Variants in IZUMO4 observed in about 807,000 individuals in gnomAD.
The protein encoded by IZUMO4 is izumo sperm-egg fusion protein 4.
A neutral mutation model predicts 37.1 loss-of-function variants in IZUMO4; 51 were observed. The ratio of observed to expected loss-of-function variants is 1.38; its 90% CI spans 1.10 to 1.74. The LOEUF (loss-of-function observed/expected upper bound fraction) is 1.74, where lower values mean the gene tolerates loss of function less well. Among genes scored for constraint, IZUMO4 ranks in the 40% most tolerant of loss-of-function variants. IZUMO4 has a pLI of 0.00. For synonymous variants in IZUMO4, 162 were observed against 121.4 expected (o/e 1.33, Z -2.20); for missense variants, 364 against 299.6 (o/e 1.21, Z -1.59).
chr19:2,099,083 A>G (rs2017825912), intron 9 of IZUMO4, 54 bp downstream of exon 9: 4 of 1,547,096 alleles, frequency 2.6e-6, no homozygotes, highest in Non-Finnish European at 2.7e-6. Flanking sequence ...GTAAGCCAAC[A>G]CCAGCGTGCC....
intron 8 of IZUMO4, 42 bp downstream of exon 8, chr19:2,098,846 G>GGGAGAGAGGAGGGGGGCTAGGGGTCCTC: frequency 6.3e-7 from 1 of 1,584,722 alleles, no homozygotes; most frequent in Non-Finnish European, 8.6e-7. Flanking sequence ...AGGGGGTAAA[G>GGGAGAGAGGAGGGGGGCTAGGGGTCCTC]GGAGAGAGGA....
chr19:2,097,761 AAC>A, intron 3 of IZUMO4, 166 bp from the exon 4 acceptor site: 1 of 863,812 alleles, frequency 1.2e-6, no homozygotes, highest in Admixed American at 2.6e-5. Context: ...GCTGGGGGTC[AAC>A]CTGGGGACCC....
rs760572584 is a variant in IZUMO4 at position 2,098,090 on chromosome 19, A to C, written c.436A>C (p.Thr146Pro). ...QYETISCNNCTDSHVACFGYN... is the reference protein window; with the variant it reads ...QYETISCNNCPDSHVACFGYN... ...CGAGACCATCTCCTGCAACAACTGC[A>C]CAGACTCGCACGTCGCCTGCTTTGG... is the stretch of plus-strand genomic sequence containing the variant. Residue 146 changes from threonine to proline, a missense_variant, in exon 5 of 10, where the codon ACA becomes CCA. Coordinates refer to ENST00000395301, the MANE Select transcript of IZUMO4 (RefSeq NM_001039846.2). The C allele has an allele frequency of 9.9e-6, 16 of 1,613,412 alleles. No individual in the cohort carries two copies. Among genetic ancestry groups the C allele is most frequent in the Non-Finnish European group, 1.4e-5 (16 of 1,180,000 alleles).
intron 9 of IZUMO4, 81 bp from the exon 10 acceptor site, chr19:2,099,174 G>A: frequency 4.2e-6 from 6 of 1,416,158 alleles, no homozygotes; most frequent in South Asian, 3.4e-5. Flanking sequence ...GTCCCAGCTG[G>A]GAGGAGAGGC....
At position 2,097,917 on chromosome 19, in the gene IZUMO4, G is replaced by A. The variant is rs369021152; in HGVS notation, c.371-12G>A. 5.6e-6 allele frequency: 9 copies of A among 1,612,772 alleles called. No homozygotes were observed. The Admixed American group carries it at 1.0e-4, about 18-fold the overall frequency. On this transcript the variant is annotated splice_polypyrimidine_tract_variant and intron_variant, in intron 3 of 9. Coordinates refer to ENST00000395301, the MANE Select transcript of IZUMO4 (RefSeq NM_001039846.2). ...GGGCCTGGTAAGATGGCGCTGTCCT[G>A]CCCTCCCACAGGCCGCATCGACTGT...
chr19:2,099,194 C>T (rs900851752), intron 9 of IZUMO4, 61 bp from the exon 10 acceptor site: 44 of 1,532,996 alleles, frequency 2.9e-5, no homozygotes, highest in Non-Finnish European at 3.4e-5. Context: ...CCTGGGGCCC[C>T]CAGGGAGGGA....
Position 2,098,286 on chromosome 19 carries a change from G to A in IZUMO4, c.474-1G>A, listed in dbSNP as rs112528432. Reference sequence around the variant, plus strand: ...ACCACTTCCAAGCCTGTGTCCCACAGGTCCTCGGCGCAGTGGAAGTCAGCT... The same window carrying A: ...ACCACTTCCAAGCCTGTGTCCCACAAGTCCTCGGCGCAGTGGAAGTCAGCT... On this transcript the variant is annotated splice_acceptor_variant, in intron 5 of 9. Coordinates refer to ENST00000395301, the MANE Select transcript of IZUMO4 (RefSeq NM_001039846.2). LOFTEE classifies it high-confidence loss of function. The A allele has an allele frequency of 6.2e-7, 1 of 1,613,874 alleles. No homozygotes were observed.
In IZUMO4 at chr19:2,099,469, A is replaced by C; in HGVS notation, c.*124A>C. ...CCCTCTCCGACCCCGGACAGAGCTG[A>C]GCTGGCCAGGGCCAGGAGGGCGGGA... On this transcript the variant is annotated 3_prime_UTR_variant, in exon 10 of 10. Coordinates refer to ENST00000395301, the MANE Select transcript of IZUMO4 (RefSeq NM_001039846.2). 2.4e-6 allele frequency: 1 copy of C among 409,952 alleles called. No individual in the cohort carries two copies. The highest frequency in any genetic ancestry group is 4.8e-6 in the Non-Finnish European group (1 of 206,832). 25.4% of individuals were successfully genotyped at this position (409,952 alleles called of 1,614,324 possible).
Position 2,098,350 on chromosome 19 carries a change from G to GA in IZUMO4, c.521+16_521+17insA. 6.2e-7 allele frequency: 1 copy of GA among 1,614,026 alleles called. No individual in the cohort carries two copies. The highest frequency in any genetic ancestry group is 2.2e-5 in the East Asian group (1 of 44,888). On this transcript the variant is annotated intron_variant, in intron 6 of 9. Transcript: ENST00000395301. ...TGAACTACATGTGAGTGGGGTCTTTGGGTGGCAGCAAGCTCACCTGGGCCT... is the reference window on the plus strand; with the variant it reads ...TGAACTACATGTGAGTGGGGTCTTTGAGGTGGCAGCAAGCTCACCTGGGCCT...
chr19:2,097,466 T>C lies in IZUMO4; in HGVS notation c.341T>C (p.Val114Ala). 1 of 1,606,852 alleles carries C rather than the reference T, an allele frequency of 6.2e-7. No individual in the cohort carries two copies. The highest frequency in any genetic ancestry group is 8.5e-7 in the Non-Finnish European group (1 of 1,177,468). ...CTGCGAAACATCTTCCGGGAGCAGGTGCACCTCATCCAGAACGCCATCATC... is the reference window on the plus strand; with the variant it reads ...CTGCGAAACATCTTCCGGGAGCAGGCGCACCTCATCCAGAACGCCATCATC... Reference protein sequence around the residue: ...NELRNIFREQVHLIQNAIIES... With the variant: ...NELRNIFREQAHLIQNAIIES... Residue 114 changes from valine (V) to alanine (A), a missense_variant, in exon 3 of 10, where the codon GTG (valine) becomes GCG (alanine). By Grantham distance (64) the Val-to-Ala change is moderately conservative. Transcript: ENST00000395301.
rs1476645576 is a variant in IZUMO4 at position 2,098,421 on chromosome 19, CCACT to C, written c.522-14_522-11del. 1.4e-5 allele frequency: 22 copies of C among 1,613,860 alleles called. No homozygotes were observed. The highest frequency in any genetic ancestry group is 1.8e-5 in the Non-Finnish European group (21 of 1,180,042). On this transcript the variant is annotated splice_polypyrimidine_tract_variant and intron_variant, in intron 6 of 9. Coordinates refer to ENST00000395301, the MANE Select transcript of IZUMO4 (RefSeq NM_001039846.2). ...GCCACTCGGCCTCCTGAGTCCAAAC[CCACT>C]GTCTTTGTAGAAATAACTGGCACAA...
rs769755054 is a variant in IZUMO4, at chr19:2,098,285, A to G, written c.474-2A>G. 14 of 1,613,852 alleles carry G rather than the reference A, an allele frequency of 8.7e-6. No individual in the cohort carries two copies. The highest frequency in any genetic ancestry group is 1.2e-5 in the Non-Finnish European group (14 of 1,180,004). On this transcript the variant is annotated splice_acceptor_variant, in intron 5 of 9. Coordinates refer to ENST00000395301, the MANE Select transcript of IZUMO4 (RefSeq NM_001039846.2). LOFTEE classifies it high-confidence loss of function. ...CACCACTTCCAAGCCTGTGTCCCAC[A>G]GGTCCTCGGCGCAGTGGAAGTCAGC...
At position 2,098,956 on chromosome 19, in the gene IZUMO4, T is replaced by C. The variant is rs775179649; in HGVS notation, c.555-20T>C. 4 of 1,611,438 alleles carry C rather than the reference T, an allele frequency of 2.5e-6. No homozygotes were observed. The highest frequency in any genetic ancestry group is 1.1e-5 in the South Asian group (1 of 91,052). ...GATGTCACCTCTGCAACCACACCCA[T>C]GTGGTGGTTTCATGAACAGACCACG... On this transcript the variant is annotated intron_variant, in intron 8 of 9. Coordinates refer to ENST00000395301, the MANE Select transcript of IZUMO4 (RefSeq NM_001039846.2).
Position 2,098,938 on chromosome 19 carries a change from C to T in IZUMO4, c.555-38C>T, listed in dbSNP as rs367643794. On this transcript the variant is annotated intron_variant, in intron 8 of 9. Coordinates refer to ENST00000395301, the MANE Select transcript of IZUMO4 (RefSeq NM_001039846.2). ...TACCTGGGACACCTGCTGGATGTCA[C>T]CTCTGCAACCACACCCATGTGGTGG... 5.0e-6 allele frequency: 8 copies of T among 1,609,286 alleles called. No individual in the cohort carries two copies. The South Asian group carries it at 5.5e-5, about 11-fold the overall frequency.
intron 8 of IZUMO4, 29 bp from the exon 9 acceptor site, chr19:2,098,947 C>G (rs371122186): frequency 2.8e-5 from 45 of 1,611,978 alleles, no homozygotes; most frequent in Non-Finnish European, 3.6e-5. Context: ...ACCTCTGCAA[C>G]CACACCCATG....
At chr19:2,099,129 G>A (rs1286636536) in intron 9 of IZUMO4, 100 bp downstream of exon 9, 1 of 1,400,140 alleles carries the variant, frequency 7.1e-7, no homozygotes, top group African/African-American at 1.4e-5. Context: ...CCAGGCACGA[G>A]GGTGTCGTGG....
chr19:2,098,317 G>A lies in IZUMO4; in HGVS notation c.504G>A (p.Gln168=), dbSNP rs1440347380. 2.5e-6 allele frequency: 4 copies of A among 1,613,880 alleles called. No homozygotes were observed. The highest frequency in any genetic ancestry group is 1.7e-5 in the Admixed American group (1 of 60,010). Residue 168 remains glutamine (Q), a synonymous_variant, in exon 6 of 10, where the codon CAG becomes CAA. Transcript: ENST00000395301. ...ESSAQWKSAV[Q]GLLNYINNWH... ...CGGCGCAGTGGAAGTCAGCTGTCCA[G>A]GGCCTCCTGAACTACATGTGAGTGG...
Position 2,097,948 on chromosome 19 carries a change from C to T in IZUMO4, c.390C>T (p.His130=). 1 of 1,613,212 alleles carries T rather than the reference C, an allele frequency of 6.2e-7. No homozygotes were observed. Among genetic ancestry groups the T allele is most frequent in the South Asian group, 1.1e-5 (1 of 91,082 alleles). ...AIIESRIDCQ[H]RCGIFQYETI... ...CCACAGGCCGCATCGACTGTCAGCA[C>T]CGCTGTGGTAAGCAAGGCTCCGTCC... Residue 130 remains histidine, a synonymous_variant, in exon 4 of 10, where the codon CAC becomes CAT. Transcript: ENST00000395301.
chr19:2,097,774 C>G, intron 3 of IZUMO4, 155 bp from the exon 4 acceptor site: 1 of 977,720 alleles, frequency 1.0e-6, no homozygotes, highest in South Asian at 1.5e-5. Context: ...CTGGGGACCC[C>G]TTCCCTCCGG....
Sources: gnomAD v4.1 joint callset for allele counts on GRCh38, gnomAD v4.1.1 for gene constraint, MANE v1.5 for transcripts, NCBI Gene and HGNC (gene_info 2026-07-23, HGNC 2026-07-21) for gene names.